PDE1C: variants seen among roughly 807,000 people sequenced by gnomAD.
The protein encoded by PDE1C is phosphodiesterase 1C, also known as dual specificity calcium/calmodulin-dependent 3',5'-cyclic nucleotide phosphodiesterase 1C.
A neutral mutation model predicts 93.1 loss-of-function variants in PDE1C; 62 were observed. That is an observed-to-expected ratio of 0.67 (90% CI 0.54 to 0.82). The LOEUF (loss-of-function observed/expected upper bound fraction) is 0.82. PDE1C is among the 40% of genes least tolerant of loss of function. The pLI is 0.00. For missense variants in PDE1C, 742 were observed against 884.6 expected (o/e 0.84, Z 2.04); for synonymous variants, 325 against 310.1 (o/e 1.05, Z -0.50).
At chr7:32,209,433 T>G in intron 2 of PDE1C, 1 of 1,406,222 alleles carries the variant, frequency 7.1e-7, no homozygotes. Flanking sequence ...GGGAAAGATC[T>G]CTGGAGAACA....
At chr7:31,795,174 A>G (rs1475341962) in intron 16 of PDE1C, among the ~76,000 whole-genome samples, 2 of 151,904 alleles carry the variant, frequency 1.3e-5, no homozygotes, top group African/African-American at 4.8e-5. Flanking sequence ...GAGCGTCTAG[A>G]AAAGAAATGG....
At chr7:31,690,777 G>A in the PDE1C span, among the ~76,000 whole-genome samples, 546 of 152,286 alleles carry the variant, frequency 3.6e-3, 2 homozygotes, top group African/African-American at 0.013. Context: ...TAGTAAGTGC[G>A]TGGCTTCAAA....
In PDE1C at chr7:32,304,881, A is replaced by G. The variant is rs568807611; in HGVS notation, c.311-95342T>C. Among the ~76,000 whole-genome samples, 14 of 152,278 alleles carry G rather than the reference A, an allele frequency of 9.2e-5. No homozygotes were observed. In the South Asian group the frequency reaches 2.9e-3, roughly 32 times the overall value. ...ATTATTATAACATGACAATGTTATT[A>G]TTTTTAACATCGTCGTCATCACTAG... is the stretch of plus-strand genomic sequence containing the variant. On this transcript the variant is annotated intron_variant, in intron 1 of 1. Coordinates refer to the PDE1C transcript ENST00000672256.
intron 2 of PDE1C, among the ~76,000 whole-genome samples, chr7:31,885,858 C>T (rs979903239): frequency 6.6e-6 from 1 of 152,194 alleles, no homozygotes; most frequent in African/African-American, 2.4e-5. Context: ...TAACCCTATG[C>T]CTTGAAAACA....
At chr7:32,426,063 G>A (rs1348150210) in intron 1 of PDE1C, among the ~76,000 whole-genome samples, 1 of 152,112 alleles carries the variant, frequency 6.6e-6, no homozygotes, top group Non-Finnish European at 1.5e-5. Flanking sequence ...ATATATTAAT[G>A]AGTTTCACAA....
At chr7:32,377,827 C>T (rs1784458764) in intron 1 of PDE1C, among the ~76,000 whole-genome samples, 1 of 152,106 alleles carries the variant, frequency 6.6e-6, no homozygotes, top group South Asian at 2.1e-4. Flanking sequence ...TCTATTGCCT[C>T]GCACCAAGCA....
At chr7:32,091,396 A>G (rs1797461234) in intron 3 of PDE1C, among the ~76,000 whole-genome samples, 1 of 152,216 alleles carries the variant, frequency 6.6e-6, no homozygotes, top group African/African-American at 2.4e-5. Context: ...AAAAATGCAA[A>G]GTAAGGTCAG....
intron 15 of PDE1C, among the ~76,000 whole-genome samples, chr7:31,810,768 T>C (rs1787446540): frequency 6.6e-6 from 1 of 152,150 alleles, no homozygotes; most frequent in Admixed American, 6.6e-5. Context: ...AACTATAGTA[T>C]TTGCAACTTC....
chr7:32,267,538 A>C (rs1472171245), intron 1 of PDE1C, among the ~76,000 whole-genome samples: 5 of 151,480 alleles, frequency 3.3e-5, no homozygotes, highest in African/African-American at 9.8e-5. Flanking sequence ...TCTTTCCCTC[A>C]AACTACAGAA....
At chr7:32,310,695 T>C (rs1783007345) in intron 1 of PDE1C, among the ~76,000 whole-genome samples, 2 of 152,056 alleles carry the variant, frequency 1.3e-5, no homozygotes, top group African/African-American at 4.8e-5. Flanking sequence ...AGATGTTCTT[T>C]GAAACCAACG....
At position 32,173,918 on chromosome 7, in the gene PDE1C, C is replaced by T. The variant is rs2392050; in HGVS notation, c.137-3962G>A. Among the ~76,000 whole-genome samples the T allele has an allele frequency of 7.8e-3, 1,193 of 152,224 alleles. 20 individuals are homozygous for T. The highest frequency in any genetic ancestry group is 0.027 in the African/African-American group (1,126 of 41,532). On this transcript the variant is annotated intron_variant, in intron 2 of 18. Coordinates refer to the PDE1C transcript ENST00000396193. ...GTCAGCAAACAGCTCTTTCAATGCC[C>T]GTGCCATAACTGACCTCCCTTGGGG... is the stretch of plus-strand genomic sequence containing the variant.
intron 2 of PDE1C, among the ~76,000 whole-genome samples, chr7:32,191,155 T>C (rs572559959): frequency 6.6e-6 from 1 of 152,360 alleles, no homozygotes; most frequent in African/African-American, 2.4e-5. Context: ...AATTAAATTC[T>C]TTTAATCACT....
chr7:31,866,575 A>G (rs530233573), intron 6 of PDE1C, among the ~76,000 whole-genome samples: 4 of 152,302 alleles, frequency 2.6e-5, no homozygotes, highest in Non-Finnish European at 5.9e-5. Flanking sequence ...ATGTAAAGAC[A>G]TATTTCCTCA....
At chr7:32,061,216 A>G (rs1794762129) in intron 1 of PDE1C, among the ~76,000 whole-genome samples, 1 of 152,188 alleles carries the variant, frequency 6.6e-6, no homozygotes, top group Admixed American at 6.5e-5. Flanking sequence ...TGATTGTCTA[A>G]ATTATTGCTC....
chr7:31,999,677 G>A (rs1047569550), intron 2 of PDE1C, among the ~76,000 whole-genome samples: 2 of 152,174 alleles, frequency 1.3e-5, no homozygotes, highest in African/African-American at 4.8e-5. Flanking sequence ...AGAGACAGAT[G>A]AACTCAAGGT....
At chr7:32,238,963 C>T (rs1465473552) in intron 1 of PDE1C, among the ~76,000 whole-genome samples, 1 of 152,138 alleles carries the variant, frequency 6.6e-6, no homozygotes, top group Non-Finnish European at 1.5e-5. Flanking sequence ...TGTTTTAAAA[C>T]ATCTGTTTCA....
chr7:31,962,635 G>A (rs1027077379), intron 2 of PDE1C, among the ~76,000 whole-genome samples: 2 of 152,160 alleles, frequency 1.3e-5, no homozygotes, highest in Admixed American at 6.5e-5. Context: ...AAGCAGGAGA[G>A]GACATGGTTA....
chr7:31,636,689 G>C, the PDE1C span, among the ~76,000 whole-genome samples: 1 of 151,526 alleles, frequency 6.6e-6, no homozygotes, highest in Non-Finnish European at 1.5e-5. Context: ...CTAACAGGCT[G>C]TGGGCCCAGA....
At chr7:32,311,082 T>A (rs1333235990) in intron 1 of PDE1C, among the ~76,000 whole-genome samples, 1 of 151,946 alleles carries the variant, frequency 6.6e-6, no homozygotes, top group African/African-American at 2.4e-5. Context: ...TCACCACCGA[T>A]CCCACAGAAA....
Sources: gnomAD v4.1 joint callset for allele counts (sites outside exome capture counted in the v4.1 genomes callset) on GRCh38, gnomAD v4.1.1 for gene constraint, MANE v1.5 for transcripts, NCBI Gene and HGNC (gene_info 2026-07-23, HGNC 2026-07-21) for gene names.